Variants in SHANK2 observed in about 807,000 individuals in gnomAD.
SHANK2 encodes SH3 and multiple ankyrin repeat domains 2, also known as SH3 and multiple ankyrin repeat domains protein 2.
A neutral mutation model predicts 133.7 loss-of-function variants in SHANK2; 43 were observed. That is an observed-to-expected ratio of 0.32 (90% CI 0.25 to 0.41). The LOEUF is 0.41. Ranked by LOEUF, SHANK2 falls within the 10% of genes least tolerant of loss-of-function variation. SHANK2 has a pLI of 1.00. For synonymous variants in SHANK2, 1,017 were observed against 952.8 expected, an observed-to-expected ratio of 1.07 and a Z score of -1.24; for missense variants, 1,994 against 2,235.8, an observed-to-expected ratio of 0.89 and a Z score of 2.18.
chr11:70,757,582 G>T (rs1272020865), intron 14 of SHANK2, among the ~76,000 whole-genome samples: 1 of 152,246 alleles, frequency 6.6e-6, no homozygotes, highest in Admixed American at 6.5e-5. Flanking sequence ...TACGTGACAG[G>T]ATTCCCAAGG....
intron 17 of SHANK2, among the ~76,000 whole-genome samples, chr11:70,573,034 C>T (rs550871685): frequency 1.3e-5 from 2 of 152,210 alleles, no homozygotes; most frequent in South Asian, 2.1e-4. Flanking sequence ...TGTGGGCCAT[C>T]GACATGATGA....
chr11:70,908,259 G>C (rs1950137595), intron 10 of SHANK2, among the ~76,000 whole-genome samples: 1 of 152,204 alleles, frequency 6.6e-6, no homozygotes, highest in Non-Finnish European at 1.5e-5. Context: ...CTGCGTTTAA[G>C]TGGAGGGTCA....
intron 17 of SHANK2, among the ~76,000 whole-genome samples, chr11:70,613,065 C>T (rs2060683565): frequency 1.3e-5 from 2 of 152,112 alleles, no homozygotes; most frequent in African/African-American, 2.4e-5. Context: ...GTCTCCTGGC[C>T]CACGTGGGAG....
rs1950732244 is a variant in SHANK2, at chr11:70,946,290, C to T, written c.1108-49723G>A. ...CAACCTCCCTCTCCACTAAACAACG[C>T]TTCCCAGGCTCAACCTCTCTCTCCA... On this transcript the variant is annotated intron_variant, in intron 10 of 25. Transcript: ENST00000601538. 2.0e-5 allele frequency among the ~76,000 whole-genome samples: 3 copies of T among 149,238 alleles called. 1 individual carries two copies. Among genetic ancestry groups the T allele is most frequent in the African/African-American group, 7.5e-5 (3 of 39,934 alleles).
intron 6 of SHANK2, among the ~76,000 whole-genome samples, chr11:71,104,479 T>TGA (rs1555097376): frequency 6.6e-6 from 1 of 152,186 alleles, no homozygotes; most frequent in Non-Finnish European, 1.5e-5. Context: ...TGCTCTGCCT[T>TGA]GACAGAAGCA....
At chr11:71,171,939 C>A (rs144261628) in intron 2 of SHANK2, among the ~76,000 whole-genome samples, 1 of 152,060 alleles carries the variant, frequency 6.6e-6, no homozygotes, top group Non-Finnish European at 1.5e-5. Flanking sequence ...ATCTAGTCCA[C>A]ACGCCTGGGA....
intron 2 of SHANK2, among the ~76,000 whole-genome samples, chr11:71,208,707 T>C (rs549024566): frequency 6.6e-6 from 1 of 152,160 alleles, no homozygotes; most frequent in South Asian, 2.1e-4. Context: ...CCTTGGTGAG[T>C]TACTGAATCT....
intron 10 of SHANK2, among the ~76,000 whole-genome samples, chr11:70,907,345 C>A (rs1436128059): frequency 6.6e-6 from 1 of 152,140 alleles, no homozygotes; most frequent in East Asian, 1.9e-4. Flanking sequence ...GTGAAGGGGA[C>A]CCCCTGGGTT....
intron 11 of SHANK2, among the ~76,000 whole-genome samples, chr11:70,871,211 C>T (rs1469600321): frequency 6.6e-6 from 1 of 152,202 alleles, no homozygotes; most frequent in African/African-American, 2.4e-5. Context: ...CAGGGTGATA[C>T]TTCAACATAT....
chr11:70,587,695 C>T (rs1459446171), intron 17 of SHANK2, among the ~76,000 whole-genome samples: 1 of 133,886 alleles, frequency 7.5e-6, no homozygotes, highest in Non-Finnish European at 1.5e-5. Context: ...TTGAGCACGT[C>T]CAGTTTTTTT....
At chr11:70,633,342 AAG>A (rs1231987432) in intron 17 of SHANK2, among the ~76,000 whole-genome samples, 1 of 151,572 alleles carries the variant, frequency 6.6e-6, no homozygotes, top group Non-Finnish European at 1.5e-5. Flanking sequence ...ACTGGTGAGG[AAG>A]AGAGAGACAG....
At chr11:71,214,107 C>T (rs1020619855) in intron 2 of SHANK2, among the ~76,000 whole-genome samples, 1 of 152,194 alleles carries the variant, frequency 6.6e-6, no homozygotes, top group Admixed American at 6.5e-5. Context: ...CTCACAGAAA[C>T]CCCCAGAAAG....
intron 1 of SHANK2, among the ~76,000 whole-genome samples, chr11:71,247,472 A>G (rs1954976136): frequency 6.7e-6 from 1 of 150,128 alleles, no homozygotes; most frequent in Admixed American, 6.6e-5. Flanking sequence ...TGAGAGAACA[A>G]GCTGTTTTTT....
chr11:70,591,505 T>C (rs1343494670), intron 17 of SHANK2, among the ~76,000 whole-genome samples: 2 of 151,802 alleles, frequency 1.3e-5, no homozygotes, highest in African/African-American at 2.4e-5. Context: ...TCAAACGCTG[T>C]CAACTTCTGG....
In SHANK2 at chr11:70,807,259, C is replaced by T. The variant is rs1166794808; in HGVS notation, c.1494-88G>A. 5.2e-5 allele frequency: 35 copies of T among 677,908 alleles called. No homozygotes were observed. The highest frequency in any genetic ancestry group is 1.8e-4 in the South Asian group (11 of 62,746). 42.0% of individuals were successfully genotyped at this position (677,908 alleles called of 1,614,324 possible). ...CACAAACCACAGCCAAGCCATTCAA[C>T]GCATGCTGCGCCTCGGCTGGCCGCA... On this transcript the variant is annotated intron_variant, in intron 12 of 25. Transcript: ENST00000601538. This position sits in a 1 kb window ranked among gnomAD's most constrained non-coding sequence, Gnocchi z 4.8.
chr11:70,482,727 G>C (rs1555152022), intron 25 of SHANK2, among the ~76,000 whole-genome samples: 1 of 152,228 alleles, frequency 6.6e-6, no homozygotes. Context: ...GGACAGCTGG[G>C]AGGCGGCCGT....
At chr11:70,606,220 C>A (rs968333177) in intron 17 of SHANK2, among the ~76,000 whole-genome samples, 8 of 152,126 alleles carry the variant, frequency 5.3e-5, no homozygotes, top group African/African-American at 1.9e-4. Context: ...ATCCTTCCCC[C>A]ACCTTTTCCA....
intron 17 of SHANK2, among the ~76,000 whole-genome samples, chr11:70,638,819 A>G (rs1477843026): frequency 6.6e-6 from 1 of 152,074 alleles, no homozygotes; most frequent in Non-Finnish European, 1.5e-5. Context: ...CAACATGGTG[A>G]AACCCCGTCT....
At chr11:70,891,254 C>T (rs1949840876) in intron 11 of SHANK2, among the ~76,000 whole-genome samples, 1 of 152,190 alleles carries the variant, frequency 6.6e-6, no homozygotes, top group East Asian at 1.9e-4. Context: ...GTGGCTCACG[C>T]CTGTAATCCC....
Sources: gnomAD v4.1 joint callset for allele counts (sites outside exome capture counted in the v4.1 genomes callset) on GRCh38, gnomAD v4.1.1 for gene constraint, Gnocchi (gnomAD v3.1) non-coding constraint, MANE v1.5 for transcripts, NCBI Gene and HGNC (gene_info 2026-07-23, HGNC 2026-07-21) for gene names.